Variants in NOS2 observed in about 807,000 individuals in gnomAD.
The protein encoded by NOS2 is nitric oxide synthase 2.
Under a neutral mutation model 136.0 loss-of-function variants are expected in NOS2, and 96 were observed. The ratio of observed to expected loss-of-function variants is 0.71; its 90% CI spans 0.60 to 0.84. The LOEUF is 0.84. Ranked by LOEUF, NOS2 falls within the 40% of genes least tolerant of loss-of-function variation. NOS2 has a pLI of 0.00. For synonymous variants in NOS2, 539 were observed against 587.5 expected (o/e 0.92, Z 1.20); for missense variants, 1,237 against 1,496.9 (o/e 0.83, Z 2.87).
At chr17:27,764,548 G>T (rs1284887883) in intron 20 of NOS2, among the ~76,000 whole-genome samples, 2 of 152,230 alleles carry the variant, frequency 1.3e-5, no homozygotes, top group East Asian at 3.8e-4. Flanking sequence ...GTACCAAGAT[G>T]TGCTGGGTGA....
At position 27,760,058 on chromosome 17, in the gene NOS2, G is replaced by T. The variant is rs1908064565; in HGVS notation, c.3131C>A (p.Ala1044Asp). The T allele has an allele frequency of 6.3e-7, 1 of 1,578,984 alleles. No homozygotes were observed. Among genetic ancestry groups the T allele is most frequent in the East Asian group, 2.3e-5 (1 of 42,846 alleles). Residue 1044 changes from alanine (A) to aspartate (D), a missense_variant, in exon 25 of 27, where the codon GCC becomes GAC. Coordinates refer to ENST00000313735, the MANE Select transcript of NOS2 (RefSeq NM_000625.4). ...QKGVLHAVHTAYSRLPGKPKV... is the reference protein window; with the variant it reads ...QKGVLHAVHTDYSRLPGKPKV... ...GGGCTTGCCAGGCAGGCGGGAATAG[G>T]CTGTGTGCACCGCATGCAGCACCCC...
chr17:27,766,713 T>C, intron 18 of NOS2, 125 bp from the exon 19 acceptor site: 1 of 741,916 alleles, frequency 1.3e-6, no homozygotes, highest in South Asian at 1.5e-5. Context: ...GAGGTGGCCG[T>C]TGGGTTTTTC....
chr17:27,787,928 C>T (rs865957044), intron 4 of NOS2, 102 bp from the exon 5 acceptor site: 34 of 1,276,524 alleles, frequency 2.7e-5, no homozygotes, highest in African/African-American at 1.7e-4. Context: ...CTGGCTGCTC[C>T]GGCTCCCTGC....
At chr17:27,789,314 TA>T (rs1160723963) in intron 3 of NOS2, among the ~76,000 whole-genome samples, 1 of 152,210 alleles carries the variant, frequency 6.6e-6, no homozygotes, top group Non-Finnish European at 1.5e-5. Context: ...CTCCCACTCC[TA>T]CCCATTTCTC....
At chr17:27,799,251 G>A (rs1304975577) in intron 1 of NOS2, among the ~76,000 whole-genome samples, 1 of 152,120 alleles carries the variant, frequency 6.6e-6, no homozygotes, top group Non-Finnish European at 1.5e-5. Flanking sequence ...GTTGAAACAG[G>A]GGTGCCTTTG....
chr17:27,757,161 C>T lies in NOS2; in HGVS notation c.*85G>A. The T allele has an allele frequency of 5.6e-6, 6 of 1,070,174 alleles. No individual in the cohort carries two copies. The highest frequency in any genetic ancestry group is 1.4e-5 in the South Asian group (1 of 71,650). The allele number at this position is 1,070,174 out of a possible 1,614,324, so 66.3% of individuals were successfully genotyped here. ...TGGGGGATATCACTTTCCTCCATCT[C>T]CCCAGGCCCTGTGACCTCAGATAAT... is the stretch of plus-strand genomic sequence containing the variant. On this transcript the variant is annotated 3_prime_UTR_variant, in exon 27 of 27. Coordinates refer to ENST00000313735, the MANE Select transcript of NOS2 (RefSeq NM_000625.4).
chr17:27,757,458 C>T (rs1907965642), intron 26 of NOS2, 105 bp from the exon 27 acceptor site: 2 of 877,478 alleles, frequency 2.3e-6, no homozygotes, highest in East Asian at 2.6e-5. Flanking sequence ...CATCTGTCTT[C>T]CCAACTGTTA....
chr17:27,769,186 T>C (rs1908409221), intron 16 of NOS2, 35 bp from the exon 17 acceptor site: 2 of 1,571,084 alleles, frequency 1.3e-6, no homozygotes, highest in Non-Finnish European at 1.7e-6. Flanking sequence ...ACATGTCCCA[T>C]GCAAGCAGCA....
At chr17:27,785,533 C>T (rs1908994727) in intron 5 of NOS2, among the ~76,000 whole-genome samples, 1 of 152,120 alleles carries the variant, frequency 6.6e-6, no homozygotes. Flanking sequence ...GGGACCCTGC[C>T]ATCAGAATTT....
intron 12 of NOS2, 103 bp from the exon 13 acceptor site, chr17:27,773,346 G>A (rs1280903860): frequency 1.3e-6 from 1 of 786,770 alleles, no homozygotes; most frequent in Non-Finnish European, 2.1e-6. Flanking sequence ...TCATGAGCCT[G>A]GGAGAGAAGG....
intron 2 of NOS2, among the ~76,000 whole-genome samples, chr17:27,791,125 G>A (rs1301009700): frequency 3.3e-5 from 5 of 152,144 alleles, no homozygotes; most frequent in East Asian, 3.8e-4. Context: ...AGCAGTAAGT[G>A]ATTTTTTACT....
At chr17:27,769,404 A>T in intron 16 of NOS2, 131 bp downstream of exon 16, 1 of 829,412 alleles carries the variant, frequency 1.2e-6, no homozygotes, top group Non-Finnish European at 2.0e-6. Context: ...CTGAGTACAG[A>T]CCTTAGACCC....
chr17:27,757,233 C>T lies in NOS2; in HGVS notation c.*13G>A. The T allele has an allele frequency of 1.2e-6, 2 of 1,611,100 alleles. No homozygotes were observed. Reference sequence around the variant, plus strand: ...AGTTCTGTGCCGGCAGCTTTAACCCCTCCTGTAGGCCCTCAGAGCGCTGAC... The same window carrying T: ...AGTTCTGTGCCGGCAGCTTTAACCCTTCCTGTAGGCCCTCAGAGCGCTGAC... On this transcript the variant is annotated 3_prime_UTR_variant, in exon 27 of 27. Transcript: ENST00000313735.
At chr17:27,780,728 T>C in intron 9 of NOS2, 39 bp downstream of exon 9, 1 of 1,613,932 alleles carries the variant, frequency 6.2e-7, no homozygotes, top group Non-Finnish European at 8.5e-7. Flanking sequence ...GGGCTGTGTG[T>C]TGACTCGCCC....
intron 5 of NOS2, among the ~76,000 whole-genome samples, chr17:27,785,709 G>T (rs574651117): frequency 2.6e-5 from 4 of 152,242 alleles, no homozygotes; most frequent in Non-Finnish European, 5.9e-5. Flanking sequence ...TGTAATCCCA[G>T]CACTTTGGGA....
At chr17:27,791,777 C>CA (rs1567643042) in intron 2 of NOS2, among the ~76,000 whole-genome samples, 19 of 110,934 alleles carry the variant, frequency 1.7e-4, no homozygotes, top group South Asian at 1.4e-3. Flanking sequence ...CAGAAAAAAA[C>CA]AAAACAAAAC....
At chr17:27,777,797 C>T (rs28999384) in intron 11 of NOS2, among the ~76,000 whole-genome samples, 26,642 of 152,076 alleles carry the variant, frequency 0.18, 2,476 homozygotes, top group Middle Eastern at 0.23. Context: ...ATAATCCCAG[C>T]GCTTTGGGAG....
chr17:27,793,440 A>G (rs576029309), intron 2 of NOS2: 2 of 390,482 alleles, frequency 5.1e-6, no homozygotes, highest in South Asian at 2.9e-4. Flanking sequence ...CAAGCGTTCT[A>G]AAAGAGGAAA....
At position 27,769,677 on chromosome 17, in the gene NOS2, G is replaced by A. The variant is rs190725263; in HGVS notation, c.1810-93C>T. On this transcript the variant is annotated intron_variant, in intron 15 of 26. Transcript: ENST00000313735. The stretch of plus-strand genomic sequence containing the variant: ...CTGGAAACCTGGCCACAGCTTGCAG[G>A]AGAAGGCTCACAGCCCACCACGGAA... The A allele has an allele frequency of 7.1e-5, 80 of 1,121,082 alleles. No homozygotes were observed. The African/African-American group carries it at 9.4e-4, about 13-fold the overall frequency. 69.4% of individuals were successfully genotyped at this position (1,121,082 alleles called of 1,614,324 possible).
Sources: gnomAD v4.1 joint callset for allele counts (sites outside exome capture counted in the v4.1 genomes callset) on GRCh38, gnomAD v4.1.1 for gene constraint, MANE v1.5 for transcripts, NCBI Gene and HGNC (gene_info 2026-07-23, HGNC 2026-07-21) for gene names.